The following DAB1 variants were observed in gnomAD, a reference collection of about 807,000 sequenced individuals.
DAB1 encodes the protein disabled homolog 1.
Under a neutral mutation model 64.6 loss-of-function variants are expected in DAB1, and 15 were observed. The observed-to-expected ratio is 0.23, with a 90% CI of 0.16 to 0.36. The LOEUF is 0.36. Ranked by LOEUF, DAB1 falls within the 10% of genes least tolerant of loss-of-function variation. DAB1 has a pLI of 1.00. For synonymous variants in DAB1, 235 were observed against 251.9 expected (o/e 0.93, Z 0.64); for missense variants, 596 against 706.7 (o/e 0.84, Z 1.78).
chr1:57,476,004 C>T (rs1643931028), intron 7 of DAB1, among the ~76,000 whole-genome samples: 1 of 152,070 alleles, frequency 6.6e-6, no homozygotes, highest in South Asian at 2.1e-4. Flanking sequence ...GTGGGTGGAT[C>T]ACTTGAGGTC....
chr1:57,424,459 C>T (rs900237728), upstream of DAB1, among the ~76,000 whole-genome samples: 1 of 152,126 alleles, frequency 6.6e-6, no homozygotes, highest in Non-Finnish European at 1.5e-5. Flanking sequence ...GGGGTCCCCG[C>T]CCCAGCCGCG....
intron 7 of DAB1, among the ~76,000 whole-genome samples, chr1:57,625,449 C>T (rs746157717): frequency 2.7e-4 from 41 of 152,230 alleles, no homozygotes; most frequent in Non-Finnish European, 4.9e-4. Flanking sequence ...CCATTTCTGC[C>T]CTTGTAGGCC....
intron 13 of DAB1, among the ~76,000 whole-genome samples, 154 bp from the exon 14 acceptor site, chr1:57,010,944 A>C (rs1646248029): frequency 6.6e-6 from 1 of 152,208 alleles, no homozygotes; most frequent in South Asian, 2.1e-4. Context: ...GTGGACTTGT[A>C]GTAACAATTT....
At chr1:58,057,470 A>G (rs1648201017) in intron 5 of DAB1, among the ~76,000 whole-genome samples, 1 of 152,226 alleles carries the variant, frequency 6.6e-6, no homozygotes, top group Non-Finnish European at 1.5e-5. Context: ...GACAAATTAG[A>G]AACCACCCTA....
intron 4 of DAB1, among the ~76,000 whole-genome samples, chr1:58,309,462 G>C (rs77872168): frequency 0.013 from 2,010 of 152,194 alleles, 55 homozygotes; most frequent in African/African-American, 0.047. Context: ...GGTTCCAGAC[G>C]GGTAGGGAAT....
chr1:57,040,245 T>C (rs566158141), intron 9 of DAB1, among the ~76,000 whole-genome samples: 2 of 152,044 alleles, frequency 1.3e-5, no homozygotes, highest in African/African-American at 4.8e-5. Context: ...GCAGCAGTAG[T>C]GGGAATTTGA....
intron 4 of DAB1, among the ~76,000 whole-genome samples, chr1:58,275,320 A>G (rs1661416234): frequency 6.6e-6 from 1 of 152,206 alleles, no homozygotes; most frequent in African/African-American, 2.4e-5. Flanking sequence ...AAAGGTAAAA[A>G]CAGGTAAATT....
chr1:57,476,423 A>T (rs1380819757), intron 7 of DAB1, among the ~76,000 whole-genome samples: 1 of 152,050 alleles, frequency 6.6e-6, no homozygotes, highest in East Asian at 1.9e-4. Flanking sequence ...CCTGACCTTC[A>T]TTCAAAGTAA....
chr1:57,547,138 C>T (rs1420256695), intron 7 of DAB1, among the ~76,000 whole-genome samples: 1 of 151,906 alleles, frequency 6.6e-6, no homozygotes, highest in African/African-American at 2.4e-5. Flanking sequence ...CAGTCAAGGC[C>T]AAGACCCCAG....
Position 57,362,984 on chromosome 1 carries a change from G to A in DAB1, c.-137+60946C>T, listed in dbSNP as rs573061137. On this transcript the variant is annotated intron_variant, in intron 1 of 14. Transcript: ENST00000371236. ...AGATGAAATATTTGGACTAAATATA[G>A]TAAAACTCAAAAGATAGATTATTAC... Among the ~76,000 whole-genome samples the A allele has an allele frequency of 2.6e-4, 39 of 152,208 alleles. 1 individual carries two copies. In the South Asian group the frequency reaches 8.1e-3, roughly 32 times the overall value.
chr1:57,747,120 T>A (rs185795190), intron 6 of DAB1, among the ~76,000 whole-genome samples: 1 of 152,224 alleles, frequency 6.6e-6, no homozygotes, highest in Non-Finnish European at 1.5e-5. Context: ...CATGACCCAT[T>A]TGAAGACCAT....
At chr1:58,396,766 A>C (rs1411616088) in intron 3 of DAB1, among the ~76,000 whole-genome samples, 1 of 152,182 alleles carries the variant, frequency 6.6e-6, no homozygotes, top group South Asian at 2.1e-4. Flanking sequence ...AGGGACATAA[A>C]GAAACAGAGA....
At chr1:57,792,189 A>T (rs1165760093) in intron 6 of DAB1, among the ~76,000 whole-genome samples, 1 of 151,994 alleles carries the variant, frequency 6.6e-6, no homozygotes, top group Non-Finnish European at 1.5e-5. Flanking sequence ...TCCCCTTACC[A>T]ATTTGGTTTT....
chr1:57,338,753 G>A (rs1677307672), intron 1 of DAB1, among the ~76,000 whole-genome samples: 1 of 152,148 alleles, frequency 6.6e-6, no homozygotes, highest in Non-Finnish European at 1.5e-5. Flanking sequence ...CCACAGTCTT[G>A]TGTACTAGTC....
At chr1:57,215,707 G>A (rs1282662458) in intron 2 of DAB1, among the ~76,000 whole-genome samples, 2 of 152,118 alleles carry the variant, frequency 1.3e-5, no homozygotes, top group Non-Finnish European at 2.9e-5. Context: ...GTAAAAAATT[G>A]CCTCCCTCCA....
chr1:58,240,340 C>A (rs1262637596), intron 4 of DAB1, among the ~76,000 whole-genome samples: 4 of 152,146 alleles, frequency 2.6e-5, no homozygotes, highest in Non-Finnish European at 5.9e-5. Context: ...CTCCTGACTT[C>A]TTTTCTTCCT....
intron 5 of DAB1, among the ~76,000 whole-genome samples, chr1:58,134,276 A>AG (rs1426903695): frequency 6.6e-6 from 1 of 152,108 alleles, no homozygotes; most frequent in Non-Finnish European, 1.5e-5. Context: ...CCTAACATGG[A>AG]GAAAAAAAAG....
chr1:57,617,374 T>C (rs1382766805), intron 7 of DAB1, among the ~76,000 whole-genome samples: 3 of 152,022 alleles, frequency 2.0e-5, no homozygotes, highest in African/African-American at 7.2e-5. Context: ...AACTTTCTAC[T>C]CTGCCTTCAG....
At chr1:57,534,811 C>T (rs188769039) in intron 7 of DAB1, among the ~76,000 whole-genome samples, 26 of 152,286 alleles carry the variant, frequency 1.7e-4, no homozygotes, top group African/African-American at 4.8e-4. Flanking sequence ...TCTGAAACTT[C>T]GCAAAGGCCT....
Sources: allele counts gnomAD v4.1 joint callset (sites outside exome capture counted in the v4.1 genomes callset), GRCh38; gene constraint gnomAD v4.1.1; transcripts MANE v1.5; gene names NCBI Gene and HGNC (gene_info 2026-07-23, HGNC 2026-07-21).